Variants in PER2 observed in about 807,000 individuals in gnomAD.
The protein encoded by PER2 is period circadian protein homolog 2.
Under a neutral mutation model 121.0 loss-of-function variants are expected in PER2, and 66 were observed. The ratio of observed to expected loss-of-function variants is 0.55; its 90% CI spans 0.45 to 0.67. The LOEUF (loss-of-function observed/expected upper bound fraction) is 0.67. Ranked by LOEUF, PER2 falls within the 30% of genes least tolerant of loss-of-function variation. PER2 has a pLI of 0.00. For missense variants in PER2, 1,521 were observed against 1,635.0 expected (o/e 0.93, Z 1.20); for synonymous variants, 684 against 659.9 (o/e 1.04, Z -0.56).
upstream of PER2, among the ~76,000 whole-genome samples, chr2:238,292,841 G>C (rs1696971155): frequency 6.6e-6 from 1 of 151,018 alleles, no homozygotes; most frequent in Non-Finnish European, 1.5e-5. Context: ...GGGTTCAAGA[G>C]ATTCTCCTGC....
rs1023553519 is a variant in PER2, at chr2:238,253,118, G to T, written c.2905C>A (p.Pro969Thr). The T allele has an allele frequency of 6.2e-7, 1 of 1,603,368 alleles. No individual in the cohort carries two copies. The highest frequency in any genetic ancestry group is 1.3e-5 in the African/African-American group (1 of 74,654). Reference protein sequence around the residue: ...PCACPATRATPPSAMGRASPP... With the variant: ...PCACPATRATTPSAMGRASPP... Reference sequence around the variant, plus strand: ...GAGGCCCTACCCATGGCCGATGGTGGGGTGGCCCGGGTGGCTGGACAAGCA... The same window carrying T: ...GAGGCCCTACCCATGGCCGATGGTGTGGTGGCCCGGGTGGCTGGACAAGCA... Residue 969 changes from proline to threonine, a missense_variant, in exon 19 of 23, where the codon CCA becomes ACA. By Grantham distance (38) the Pro-to-Thr change is conservative. Transcript: ENST00000254657. The surrounding 1 kb of genome is among the most constrained non-coding windows in gnomAD (Gnocchi z 5.6).
At chr2:238,292,479 G>C (rs1425947626), upstream of PER2, among the ~76,000 whole-genome samples, 1 of 152,186 alleles carries the variant, frequency 6.6e-6, no homozygotes, top group Non-Finnish European at 1.5e-5. Flanking sequence ...AGAGATCACA[G>C]AGCTGGTGGC....
At chr2:238,298,123 C>T in the PER2 span, among the ~76,000 whole-genome samples, 1 of 151,932 alleles carries the variant, frequency 6.6e-6, no homozygotes, top group Non-Finnish European at 1.5e-5. Flanking sequence ...CAAGCTCCGC[C>T]TCCCGGGTTC....
At position 238,271,529 on chromosome 2, in the gene PER2, A is replaced by G; in HGVS notation, c.571-16T>C. 1.3e-6 allele frequency: 2 copies of G among 1,597,748 alleles called. No individual in the cohort carries two copies. The highest frequency in any genetic ancestry group is 1.7e-6 in the Non-Finnish European group (2 of 1,167,518). ...CAAACATATCCTGAAAAGGAAGAGT[A>G]GGGCTCTGATGACAAGGTCAGATGG... On this transcript the variant is annotated splice_polypyrimidine_tract_variant and intron_variant, in intron 5 of 22. Transcript: ENST00000254657.
At chr2:238,275,471 T>G (rs960982459) in intron 4 of PER2, among the ~76,000 whole-genome samples, 6 of 152,190 alleles carry the variant, frequency 3.9e-5, no homozygotes, top group African/African-American at 1.4e-4. Context: ...GGAGGACTGC[T>G]TGGGTCCAGG....
chr2:238,271,584 C>T (rs973173325), intron 5 of PER2, 71 bp from the exon 6 acceptor site: 8 of 1,252,260 alleles, frequency 6.4e-6, no homozygotes, highest in Non-Finnish European at 9.2e-6. Context: ...CTCAGGCAGG[C>T]AGGCTGGAGG....
At position 238,268,214 on chromosome 2, in the gene PER2, A is replaced by G. The variant is rs779273476; in HGVS notation, c.825-16T>C. On this transcript the variant is annotated splice_polypyrimidine_tract_variant and intron_variant, in intron 7 of 22. Coordinates refer to ENST00000254657, the MANE Select transcript of PER2 (RefSeq NM_022817.3). The surrounding 1 kb of genome is among the most constrained non-coding windows in gnomAD (Gnocchi z 4.0). The stretch of plus-strand genomic sequence containing the variant: ...TTTCCGGACACTGCGGAGAAGAGCC[A>G]CGCTCTAAGTTGGGAACTGTGACAC... The G allele has an allele frequency of 6.4e-5, 103 of 1,613,194 alleles. No homozygotes were observed. Among genetic ancestry groups the G allele is most frequent in the Non-Finnish European group, 8.1e-5 (95 of 1,179,828 alleles).
chr2:238,257,665 G>T (rs1695804095), intron 16 of PER2, among the ~76,000 whole-genome samples: 1 of 152,132 alleles, frequency 6.6e-6, no homozygotes, highest in African/African-American at 2.4e-5. Context: ...GTAGAGATGG[G>T]GTTTCACCAT....
chr2:238,287,526 T>C (rs1162097971), intron 1 of PER2, among the ~76,000 whole-genome samples: 1 of 152,244 alleles, frequency 6.6e-6, no homozygotes, highest in East Asian at 1.9e-4. Flanking sequence ...TTAACACATT[T>C]CCCGGACTTA....
At chr2:238,291,090 G>T (rs993335819), upstream of PER2, among the ~76,000 whole-genome samples, 4 of 152,380 alleles carry the variant, frequency 2.6e-5, no homozygotes, top group Non-Finnish European at 5.9e-5. Context: ...CTCTTGGATA[G>T]GGGAATTGCT....
At chr2:238,259,930 T>C (rs1695876024) in intron 14 of PER2, 39 bp downstream of exon 14, 1 of 936,880 alleles carries the variant, frequency 1.1e-6, no homozygotes, top group Admixed American at 2.0e-5. Flanking sequence ...GGCCATACTC[T>C]AGTTTCAGTA....
chr2:238,277,425 C>T (rs1036209304), intron 2 of PER2, among the ~76,000 whole-genome samples: 2 of 152,144 alleles, frequency 1.3e-5, no homozygotes, highest in Non-Finnish European at 2.9e-5. Flanking sequence ...TATAAACTGC[C>T]CAGTGTTGTA....
intron 1 of PER2, 96 bp from the exon 2 acceptor site, chr2:238,278,051 C>T (rs1696511929): frequency 8.0e-7 from 1 of 1,247,030 alleles, no homozygotes; most frequent in South Asian, 1.3e-5. Flanking sequence ...CTTTCTGTTA[C>T]TAATGAAACT....
chr2:238,283,165 A>T (rs1696680894), intron 1 of PER2, among the ~76,000 whole-genome samples: 1 of 152,144 alleles, frequency 6.6e-6, no homozygotes, highest in Non-Finnish European at 1.5e-5. Flanking sequence ...GCTGGCAGAA[A>T]ATGCCCCCTC....
At chr2:238,258,460 T>G in intron 15 of PER2, 37 bp downstream of exon 15, 1 of 1,614,054 alleles carries the variant, frequency 6.2e-7, no homozygotes, top group Non-Finnish European at 8.5e-7. Context: ...GGAAGGTGTG[T>G]GAGATGGTGG....
chr2:238,275,363 A>G (rs1455112304), intron 4 of PER2, among the ~76,000 whole-genome samples: 1 of 152,182 alleles, frequency 6.6e-6, no homozygotes, highest in African/African-American at 2.4e-5. Flanking sequence ...GGAATTCTTC[A>G]AAGTTCTGGA....
rs71402776 is a variant in PER2, at chr2:238,245,042, TAAAAAAAAAAAAAAAA to T, written c.*1317_*1332del. On this transcript the variant is annotated 3_prime_UTR_variant, in exon 23 of 23. Coordinates refer to ENST00000254657, the MANE Select transcript of PER2 (RefSeq NM_022817.3). ...AGCCTGGGCAAAAAGAAACTCCATCTAAAAAAAAAAAAAAAAAAAAAAAAAAAAGAAAACCCTGGTC... is the reference window on the plus strand; with the variant it reads ...AGCCTGGGCAAAAAGAAACTCCATCTAAAAAAAAAAAAGAAAACCCTGGTC... 1.5e-4 allele frequency: 6 copies of T among 40,978 alleles called. No homozygotes were observed. Among genetic ancestry groups the T allele is most frequent in the Non-Finnish European group, 2.2e-4 (5 of 23,102 alleles). 2.5% of individuals were successfully genotyped at this position (40,978 alleles called of 1,614,324 possible).
chr2:238,298,315 T>G, the PER2 span: 2 of 152,362 alleles, frequency 1.3e-5, no homozygotes, highest in African/African-American at 4.8e-5. Flanking sequence ...ATTACAGGCG[T>G]GAGCCACCGC....
chr2:238,264,069 C>T (rs1339171266), intron 9 of PER2, among the ~76,000 whole-genome samples: 3 of 152,182 alleles, frequency 2.0e-5, no homozygotes, highest in African/African-American at 7.2e-5. Context: ...TGTCCTTGGG[C>T]TTTGTGAGCC....
Sources: gnomAD v4.1 joint callset for allele counts (sites outside exome capture counted in the v4.1 genomes callset) on GRCh38, gnomAD v4.1.1 for gene constraint, Gnocchi (gnomAD v3.1) non-coding constraint, MANE v1.5 for transcripts, NCBI Gene and HGNC (gene_info 2026-07-23, HGNC 2026-07-21) for gene names.